Variants in SLC35D4 observed in about 807,000 individuals in gnomAD.
SLC35D4 encodes UDP-N-acetylglucosamine transporter SLC35D4.
chr18:23,286,730 A>G, the SLC35D4 span, among the ~76,000 whole-genome samples: 47 of 151,974 alleles, frequency 3.1e-4, no homozygotes, highest in African/African-American at 1.1e-3. Context: ...AAACCTCTTA[A>G]AACTCCCCAA....
the SLC35D4 span, among the ~76,000 whole-genome samples, chr18:23,264,912 C>A: frequency 6.8e-6 from 1 of 146,366 alleles, no homozygotes; most frequent in Admixed American, 6.8e-5. Context: ...CCCAAATTAC[C>A]GGGATTACAA....
the SLC35D4 span, among the ~76,000 whole-genome samples, chr18:23,315,537 G>A: frequency 2.0e-5 from 3 of 152,176 alleles, no homozygotes; most frequent in Admixed American, 2.0e-4. Flanking sequence ...CATGTGATAA[G>A]GGCCTGATAA....
the SLC35D4 span, among the ~76,000 whole-genome samples, chr18:23,312,311 C>T: frequency 6.6e-6 from 1 of 152,144 alleles, no homozygotes; most frequent in African/African-American, 2.4e-5. Context: ...CTCTGAAATG[C>T]ACCTTTTGCC....
chr18:23,323,895 A>G, the SLC35D4 span, among the ~76,000 whole-genome samples: 1 of 152,084 alleles, frequency 6.6e-6, no homozygotes, highest in Admixed American at 6.6e-5. Flanking sequence ...CCTGGCCAAC[A>G]TAGTGAATCA....
At chr18:23,315,745 C>T in the SLC35D4 span, among the ~76,000 whole-genome samples, 6 of 152,198 alleles carry the variant, frequency 3.9e-5, no homozygotes, top group Admixed American at 2.0e-4. Flanking sequence ...CAGAGCGGAT[C>T]TAAGCCTAGA....
chr18:23,243,893 A>G, the SLC35D4 span, among the ~76,000 whole-genome samples: 1 of 151,794 alleles, frequency 6.6e-6, no homozygotes, highest in Non-Finnish European at 1.5e-5. Context: ...AAAAAAAACT[A>G]ATACAAAACA....
chr18:23,359,333 G>A, the SLC35D4 span, among the ~76,000 whole-genome samples: 1 of 149,222 alleles, frequency 6.7e-6, no homozygotes, highest in East Asian at 2.0e-4. Flanking sequence ...GCAGTAAGCC[G>A]AGATTGTCCC....
chr18:23,272,467 AT>A, the SLC35D4 span, among the ~76,000 whole-genome samples: 6 of 152,182 alleles, frequency 3.9e-5, no homozygotes, highest in Non-Finnish European at 5.9e-5. Context: ...AAATATACTT[AT>A]TTTTAATGGA....
At chr18:23,400,749 A>G in the SLC35D4 span, among the ~76,000 whole-genome samples, 1 of 152,242 alleles carries the variant, frequency 6.6e-6, no homozygotes, top group Non-Finnish European at 1.5e-5. Flanking sequence ...CAACTAACTC[A>G]ATGAACTGAT....
At chr18:23,401,847 C>T in the SLC35D4 span, among the ~76,000 whole-genome samples, 241 of 152,256 alleles carry the variant, frequency 1.6e-3, no homozygotes, top group African/African-American at 5.7e-3. Context: ...GAAAACATGC[C>T]TAGGGAACAC....
the SLC35D4 span, among the ~76,000 whole-genome samples, chr18:23,240,804 C>T: frequency 6.6e-6 from 1 of 152,240 alleles, no homozygotes; most frequent in African/African-American, 2.4e-5. Context: ...TTTGGGATGT[C>T]CTGTTCCTGT....
At chr18:23,429,970 T>C in the SLC35D4 span, among the ~76,000 whole-genome samples, 7 of 152,240 alleles carry the variant, frequency 4.6e-5, no homozygotes, top group Non-Finnish European at 8.8e-5. Context: ...CTGTTTACTC[T>C]GTTAATAGTT....
chr18:23,257,997 A>AGAT, the SLC35D4 span: 3 of 152,176 alleles, frequency 2.0e-5, no homozygotes, highest in African/African-American at 7.2e-5. Flanking sequence ...AATTATTTCT[A>AGAT]GATGATTTCT....
the SLC35D4 span, among the ~76,000 whole-genome samples, chr18:23,328,038 T>A: frequency 6.6e-6 from 1 of 152,194 alleles, no homozygotes; most frequent in Non-Finnish European, 1.5e-5. Context: ...AAATTAGGTA[T>A]TGATGGGACG....
chr18:23,398,344 G>A, the SLC35D4 span, among the ~76,000 whole-genome samples: 4 of 152,126 alleles, frequency 2.6e-5, no homozygotes, highest in South Asian at 2.1e-4. Context: ...TAACTATCCA[G>A]AGCCTAGAAA....
the SLC35D4 span, among the ~76,000 whole-genome samples, chr18:23,286,991 A>G: frequency 1.3e-5 from 2 of 150,134 alleles, no homozygotes; most frequent in Non-Finnish European, 3.0e-5. Context: ...CTGATCATGC[A>G]CCCCTTACCA....
chr18:23,411,996 G>A, the SLC35D4 span, among the ~76,000 whole-genome samples: 1 of 152,144 alleles, frequency 6.6e-6, no homozygotes, highest in African/African-American at 2.4e-5. Flanking sequence ...ACACCTAGTG[G>A]ACCAAAAAAT....
At chr18:23,424,059 G>A in the SLC35D4 span, among the ~76,000 whole-genome samples, 10 of 152,166 alleles carry the variant, frequency 6.6e-5, no homozygotes, top group African/African-American at 2.4e-4. Context: ...GTTACTGAGA[G>A]AAGCAAGACT....
At chr18:23,277,332 A>T in the SLC35D4 span, among the ~76,000 whole-genome samples, 1 of 151,940 alleles carries the variant, frequency 6.6e-6, no homozygotes, top group East Asian at 1.9e-4. Flanking sequence ...CATCTTCCTC[A>T]TTCTGTCTTT....
Sources: gnomAD v4.1 joint callset for allele counts (sites outside exome capture counted in the v4.1 genomes callset) on GRCh38, gnomAD v4.1.1 for gene constraint, MANE v1.5 for transcripts, NCBI Gene and HGNC (gene_info 2026-07-23, HGNC 2026-07-21) for gene names.